The following TSHR variants were observed in gnomAD, a reference collection of about 807,000 sequenced individuals.
The protein encoded by TSHR is thyrotropin receptor.
In TSHR, 51 loss-of-function variants were observed where a neutral mutation model predicts 64.1. The ratio of observed to expected loss-of-function variants is 0.80; its 90% CI spans 0.64 to 1.01. The LOEUF (loss-of-function observed/expected upper bound fraction) is 1.01, where lower values mean the gene tolerates loss of function less well. Among genes scored for constraint, TSHR ranks in the 50% least tolerant of loss-of-function variants. The probability of loss-of-function intolerance (pLI) is 0.00; values close to 1 mark genes in which losing one functional copy is unlikely to be tolerated. For synonymous variants in TSHR, 361 were observed against 361.9 expected, an observed-to-expected ratio of 1.00 and a Z score of 0.03; for missense variants, 877 against 942.8, an observed-to-expected ratio of 0.93 and a Z score of 0.91.
chr14:81,060,110 G>A (rs185535067), intron 1 of TSHR, among the ~76,000 whole-genome samples: 17 of 152,052 alleles, frequency 1.1e-4, no homozygotes, highest in East Asian at 3.9e-4. Flanking sequence ...TTTGAACATG[G>A]GCTAAACTCA....
intron 8 of TSHR, among the ~76,000 whole-genome samples, chr14:81,128,581 C>G (rs752893617): frequency 6.6e-6 from 1 of 152,132 alleles, no homozygotes; most frequent in Non-Finnish European, 1.5e-5. Flanking sequence ...CTTCAAAGAC[C>G]TGTGCTGTTT....
intron 1 of TSHR, among the ~76,000 whole-genome samples, chr14:80,977,157 T>C (rs1227895159): frequency 6.6e-6 from 1 of 152,272 alleles, no homozygotes; most frequent in East Asian, 1.9e-4. Flanking sequence ...CTGTGTTATA[T>C]GGAATTCTAT....
chr14:81,125,736 C>T (rs1273051899), intron 8 of TSHR, among the ~76,000 whole-genome samples: 4 of 152,028 alleles, frequency 2.6e-5, no homozygotes, highest in African/African-American at 9.7e-5. Context: ...CCCTGCTCAC[C>T]GACTGTGAAA....
intron 1 of TSHR, chr14:80,982,308 T>C: frequency 9.6e-7 from 1 of 1,039,306 alleles, no homozygotes; most frequent in Non-Finnish European, 1.4e-6. Context: ...GGGCTGGTAT[T>C]GATGCCTGGG....
At chr14:81,033,745 C>G (rs1594978341) in intron 1 of TSHR, among the ~76,000 whole-genome samples, 1 of 152,028 alleles carries the variant, frequency 6.6e-6, no homozygotes, top group Non-Finnish European at 1.5e-5. Context: ...CAGCCTAGCT[C>G]TACCACATAA....
intron 1 of TSHR, among the ~76,000 whole-genome samples, chr14:81,035,947 A>C (rs1203720590): frequency 6.6e-6 from 1 of 152,196 alleles, no homozygotes; most frequent in Non-Finnish European, 1.5e-5. Context: ...AAAATGAAGA[A>C]ATACAATTCA....
chr14:81,093,907 A>G lies in TSHR; in HGVS notation c.545+1299A>G, dbSNP rs12588268. On this transcript the variant is annotated intron_variant, in intron 6 of 9. Transcript: ENST00000298171. ...TCATAAGGAAACTCCTACATGCTAA[A>G]CTTCTTTATAGAATATTACCTCTAC... is the stretch of plus-strand genomic sequence containing the variant. Among the ~76,000 whole-genome samples the G allele has an allele frequency of 3.2e-4, 48 of 152,244 alleles. 1 individual carries two copies. In the East Asian group the frequency reaches 9.1e-3, roughly 29 times the overall value.
intron 1 of TSHR, among the ~76,000 whole-genome samples, chr14:81,021,792 A>G (rs1448856053): frequency 6.6e-6 from 1 of 152,204 alleles, no homozygotes; most frequent in Non-Finnish European, 1.5e-5. Flanking sequence ...GTATGATCTG[A>G]GTCATGATAA....
Position 81,143,996 on chromosome 14 carries a change from A to G in TSHR, c.1938A>G (p.Ser646=). ...CCCCAATCTCATTCTATGCTCTGTC[A>G]GCAATTCTGAACAAGCCTCTCATCA... ...CMAPISFYAL[S]AILNKPLITV... Residue 646 remains serine (S), a synonymous_variant, in exon 10 of 10, where the codon TCA becomes TCG. Transcript: ENST00000298171. 6.2e-7 allele frequency: 1 copy of G among 1,614,204 alleles called. No individual in the cohort carries two copies. The highest frequency in any genetic ancestry group is 2.2e-5 in the East Asian group (1 of 44,880).
chr14:80,960,871 G>A (rs1175863920), intron 1 of TSHR, among the ~76,000 whole-genome samples: 1 of 152,226 alleles, frequency 6.6e-6, no homozygotes, highest in Non-Finnish European at 1.5e-5. Context: ...AATTCCATGG[G>A]CAATATAGAA....
At chr14:81,042,338 CTCA>C (rs1594990114) in intron 1 of TSHR, among the ~76,000 whole-genome samples, 2 of 152,072 alleles carry the variant, frequency 1.3e-5, no homozygotes, top group African/African-American at 4.8e-5. Flanking sequence ...TATCTGCACT[CTCA>C]TGTTTATTGC....
At chr14:81,138,337 C>G (rs960217984) in intron 8 of TSHR, among the ~76,000 whole-genome samples, 5 of 151,692 alleles carry the variant, frequency 3.3e-5, no homozygotes, top group African/African-American at 1.2e-4. Flanking sequence ...ACTACAGGCA[C>G]GTGCCACCAT....
chr14:81,045,699 G>A (rs1885141207), intron 1 of TSHR, among the ~76,000 whole-genome samples: 1 of 152,002 alleles, frequency 6.6e-6, no homozygotes, highest in African/African-American at 2.4e-5. Flanking sequence ...GAATAATTAT[G>A]GAAGCTAGAA....
chr14:81,062,504 C>A (rs1434437024), intron 2 of TSHR, among the ~76,000 whole-genome samples: 1 of 151,996 alleles, frequency 6.6e-6, no homozygotes, highest in Non-Finnish European at 1.5e-5. Flanking sequence ...TATGGCAAAA[C>A]CTTAGCTGTA....
intron 1 of TSHR, among the ~76,000 whole-genome samples, chr14:81,034,894 G>C (rs1187422605): frequency 6.6e-6 from 1 of 152,132 alleles, no homozygotes; most frequent in Non-Finnish European, 1.5e-5. Flanking sequence ...AAAATACTTA[G>C]ATATGTGCAA....
chr14:80,986,997 T>C (rs1228501340), intron 1 of TSHR, among the ~76,000 whole-genome samples: 3 of 152,228 alleles, frequency 2.0e-5, no homozygotes, highest in African/African-American at 4.8e-5. Flanking sequence ...CAGTATCTTT[T>C]AAGAAAATTC....
intron 2 of TSHR, 127 bp downstream of exon 2, chr14:81,062,346 T>A (rs147603403): frequency 1.5e-5 from 10 of 651,974 alleles, no homozygotes; most frequent in Non-Finnish European, 7.8e-6. Flanking sequence ...TCAATGTATA[T>A]GACAATTTTA....
chr14:81,011,037 C>G (rs933765732), intron 1 of TSHR, among the ~76,000 whole-genome samples: 2 of 152,170 alleles, frequency 1.3e-5, no homozygotes, highest in Non-Finnish European at 2.9e-5. Flanking sequence ...CTGTCGCTCT[C>G]TTGAGAGTCA....
intron 1 of TSHR, chr14:80,982,713 C>T: frequency 1.2e-6 from 1 of 849,240 alleles, no homozygotes; most frequent in East Asian, 3.0e-5. Flanking sequence ...CTAAGGCAAG[C>T]CCTCCTTCAT....
Sources: gnomAD v4.1 joint callset for allele counts (sites outside exome capture counted in the v4.1 genomes callset) on GRCh38, gnomAD v4.1.1 for gene constraint, MANE v1.5 for transcripts, NCBI Gene and HGNC (gene_info 2026-07-23, HGNC 2026-07-21) for gene names.